The following ROBO2 variants were observed in gnomAD, a reference collection of about 807,000 sequenced individuals.
The protein encoded by ROBO2 is roundabout guidance receptor 2.
Under a neutral mutation model 160.8 loss-of-function variants are expected in ROBO2, and 53 were observed. The ratio of observed to expected loss-of-function variants is 0.33; its 90% CI spans 0.26 to 0.41. The LOEUF is 0.41. Among genes scored for constraint, ROBO2 ranks in the 10% least tolerant of loss-of-function variants. The pLI is 1.00. For missense variants in ROBO2, 1,577 were observed against 1,722.4 expected (o/e 0.92, Z 1.49); for synonymous variants, 664 against 611.7 (o/e 1.09, Z -1.26).
chr3:75,996,447 G>A (rs1404042975), intron 2 of ROBO2, among the ~76,000 whole-genome samples: 1 of 152,176 alleles, frequency 6.6e-6, no homozygotes. Context: ...CCCCAGCCAT[G>A]TGGAACTGTG....
At chr3:76,355,727 A>C (rs2075123078) in intron 2 of ROBO2, among the ~76,000 whole-genome samples, 2 of 151,864 alleles carry the variant, frequency 1.3e-5, no homozygotes, top group Non-Finnish European at 2.9e-5. Context: ...GAAAGTATCT[A>C]GCATTGGCAC....
At chr3:76,262,548 T>C (rs1436435251) in intron 2 of ROBO2, among the ~76,000 whole-genome samples, 1 of 152,172 alleles carries the variant, frequency 6.6e-6, no homozygotes, top group African/African-American at 2.4e-5. Context: ...ACTGCTCCTT[T>C]ACTCTCCATT....
At chr3:77,296,447 G>A (rs7433073) in intron 2 of ROBO2, among the ~76,000 whole-genome samples, 46,870 of 152,032 alleles carry the variant, frequency 0.31, 8,695 homozygotes, top group Middle Eastern at 0.46. Context: ...GCTAGGGCAC[G>A]AAGTCACACA....
chr3:76,152,962 A>G (rs1022924875), intron 2 of ROBO2, among the ~76,000 whole-genome samples: 9 of 152,192 alleles, frequency 5.9e-5, no homozygotes, highest in Non-Finnish European at 1.0e-4. Context: ...TTCCAGAAAT[A>G]GAACAGCTGC....
chr3:76,708,195 C>T (rs1234283132), intron 2 of ROBO2, among the ~76,000 whole-genome samples: 1 of 152,108 alleles, frequency 6.6e-6, no homozygotes, highest in African/African-American at 2.4e-5. Flanking sequence ...GCCTAGAATA[C>T]CCTAGCATAG....
intron 2 of ROBO2, among the ~76,000 whole-genome samples, chr3:76,299,279 G>C (rs7628278): frequency 2.6e-5 from 4 of 152,098 alleles, no homozygotes; most frequent in Non-Finnish European, 5.9e-5. Context: ...GATAGGAAGC[G>C]TGGGGCTTCA....
intron 2 of ROBO2, among the ~76,000 whole-genome samples, chr3:77,224,829 A>C (rs2086003611): frequency 6.6e-6 from 1 of 151,836 alleles, no homozygotes; most frequent in South Asian, 2.1e-4. Context: ...GATATACTTT[A>C]TGTTATTAGA....
chr3:76,177,331 T>C (rs2073267581), intron 2 of ROBO2, among the ~76,000 whole-genome samples: 1 of 152,182 alleles, frequency 6.6e-6, no homozygotes, highest in East Asian at 1.9e-4. Context: ...CAAGTTACAT[T>C]CTTTGACCTG....
At chr3:76,273,107 ACACAC>A (rs1559707204) in intron 2 of ROBO2, among the ~76,000 whole-genome samples, 1 of 27,100 alleles carries the variant, frequency 3.7e-5, no homozygotes, top group African/African-American at 6.7e-5. Context: ...ACACATATAC[ACACAC>A]ACATATAAAT....
intron 2 of ROBO2, among the ~76,000 whole-genome samples, chr3:76,546,658 C>T (rs1411938070): frequency 6.6e-6 from 1 of 151,762 alleles, no homozygotes; most frequent in Non-Finnish European, 1.5e-5. Flanking sequence ...TTGTTTTAAC[C>T]TCCTCAATTT....
At chr3:76,590,964 A>G (rs942296217) in intron 2 of ROBO2, among the ~76,000 whole-genome samples, 2 of 152,110 alleles carry the variant, frequency 1.3e-5, no homozygotes, top group South Asian at 2.1e-4. Flanking sequence ...GATATGTTAC[A>G]TATCTGCGAT....
At chr3:76,065,700 C>T (rs933022636) in intron 2 of ROBO2, among the ~76,000 whole-genome samples, 8 of 134,224 alleles carry the variant, frequency 6.0e-5, no homozygotes, top group African/African-American at 2.3e-4. Context: ...TTTTCATATA[C>T]CAATTTTTAA....
intron 2 of ROBO2, among the ~76,000 whole-genome samples, chr3:77,448,117 G>A (rs1221042311): frequency 3.9e-5 from 6 of 152,096 alleles, no homozygotes; most frequent in East Asian, 1.9e-4. Flanking sequence ...GCTTGAATCC[G>A]GGCTGGTCTT....
intron 2 of ROBO2, among the ~76,000 whole-genome samples, chr3:77,391,318 T>A (rs1438318815): frequency 6.6e-6 from 1 of 152,146 alleles, no homozygotes; most frequent in East Asian, 1.9e-4. Flanking sequence ...TTTTAAGAAA[T>A]TTTTTTGAGA....
intron 2 of ROBO2, among the ~76,000 whole-genome samples, chr3:76,126,821 A>T (rs1212963924): frequency 6.6e-6 from 1 of 152,088 alleles, no homozygotes; most frequent in Non-Finnish European, 1.5e-5. Flanking sequence ...ACAGTTATAA[A>T]ATAACATGTG....
In ROBO2 at chr3:76,534,200, A is replaced by T. The variant is rs373995042; in HGVS notation, c.110-563814A>T. ...TGTGGACACCTTAAAGAAAATTTTA[A>T]AATGAGTTAATTTAGTAAATTTCAG... On this transcript the variant is annotated intron_variant, in intron 2 of 26. Coordinates refer to the ROBO2 transcript ENST00000487694. 2.8e-4 allele frequency among the ~76,000 whole-genome samples: 42 copies of T among 152,262 alleles called. 2 individuals are homozygous for T. Among genetic ancestry groups the T allele is most frequent in the South Asian group, 2.7e-3 (13 of 4,824 alleles).
At chr3:76,034,348 T>C (rs2067029965) in intron 2 of ROBO2, among the ~76,000 whole-genome samples, 1 of 152,214 alleles carries the variant, frequency 6.6e-6, no homozygotes, top group Admixed American at 6.5e-5. Context: ...TCAAGTAGCT[T>C]AGCTGGTTAA....
chr3:77,257,237 G>A (rs6419727), intron 2 of ROBO2, among the ~76,000 whole-genome samples: 122,635 of 152,242 alleles, frequency 0.81, 49,980 homozygotes, highest in East Asian at 0.95. Flanking sequence ...AAAGCAAGCC[G>A]TATCAGGGAA....
chr3:76,810,547 G>A (rs957510952), intron 2 of ROBO2, among the ~76,000 whole-genome samples: 3 of 152,222 alleles, frequency 2.0e-5, no homozygotes, highest in African/African-American at 7.2e-5. Flanking sequence ...TAAGAAAAGA[G>A]TAAAGAGAGG....
Sources: allele counts gnomAD v4.1 joint callset (sites outside exome capture counted in the v4.1 genomes callset), GRCh38; gene constraint gnomAD v4.1.1; transcripts MANE v1.5; gene names NCBI Gene and HGNC (gene_info 2026-07-23, HGNC 2026-07-21).